Variants in PLAC8L1 observed in about 807,000 individuals in gnomAD.
PLAC8L1 encodes PLAC8-like protein 1.
PLAC8L1 carries 13 observed loss-of-function variants against 16.3 expected under a neutral mutation model. The observed-to-expected ratio is 0.80, with a 90% CI of 0.52 to 1.27. PLAC8L1 has a LOEUF of 1.27. Among genes scored for constraint, PLAC8L1 ranks in the 50% most tolerant of loss-of-function variants. PLAC8L1 has a pLI of 0.00. For synonymous variants in PLAC8L1, 78 were observed against 79.3 expected (o/e 0.98, Z 0.09); for missense variants, 184 against 220.2 (o/e 0.84, Z 1.04).
chr5:146,095,755 G>T (rs1384475453), intron 2 of PLAC8L1, among the ~76,000 whole-genome samples: 1 of 152,122 alleles, frequency 6.6e-6, no homozygotes, highest in Non-Finnish European at 1.5e-5. Flanking sequence ...CAAGAAGTAG[G>T]CACATGATAC....
At chr5:146,091,061 A>C (rs1763611921) in intron 2 of PLAC8L1, among the ~76,000 whole-genome samples, 1 of 152,118 alleles carries the variant, frequency 6.6e-6, no homozygotes, top group South Asian at 2.1e-4. Context: ...TCTCGAAAAA[A>C]AAAAATTGTT....
chr5:146,104,271 T>A lies in PLAC8L1; in HGVS notation c.41A>T (p.Asp14Val). 1 of 1,613,798 alleles carries A rather than the reference T, an allele frequency of 6.2e-7. No homozygotes were observed. The highest frequency in any genetic ancestry group is 1.1e-5 in the South Asian group (1 of 91,074). ...FGSNFFRCPE[D>V]LSLLNIYSPL... ...TGAGTATATGTTGAGTAAGGAAAGA[T>A]CCTCAGGACACCTGAAGAAGTTACT... Residue 14 changes from aspartate (D) to valine (V), a missense_variant, in exon 1 of 4, where the codon GAT (aspartate) becomes GTT (valine). Asp to Val is a radical substitution (Grantham distance 152). Transcript: ENST00000311450.
chr5:146,091,398 C>A (rs1386308878), intron 2 of PLAC8L1, among the ~76,000 whole-genome samples: 1 of 151,974 alleles, frequency 6.6e-6, no homozygotes, highest in African/African-American at 2.4e-5. Flanking sequence ...CAATTAAGAA[C>A]CAACAGAGTT....
At chr5:146,091,008 C>T (rs973051062) in intron 2 of PLAC8L1, among the ~76,000 whole-genome samples, 6 of 151,830 alleles carry the variant, frequency 4.0e-5, no homozygotes, top group South Asian at 2.1e-4. Context: ...GAGTAGAGAT[C>T]GCACCACTGC....
Position 146,084,576 on chromosome 5 carries a change from G to C in PLAC8L1, c.394-4C>G. On this transcript the variant is annotated splice_region_variant and splice_polypyrimidine_tract_variant and intron_variant, in intron 3 of 3. Coordinates refer to ENST00000311450, the MANE Select transcript of PLAC8L1 (RefSeq NM_001029869.3). ...GCCAGTCTTCACACAGTGTGCCCTAGGGCAAGACCAGAATCTGTTCTGTTG... is the reference window on the plus strand; with the variant it reads ...GCCAGTCTTCACACAGTGTGCCCTACGGCAAGACCAGAATCTGTTCTGTTG... 3 of 1,613,344 alleles carry C rather than the reference G, an allele frequency of 1.9e-6. No individual in the cohort carries two copies. The highest frequency in any genetic ancestry group is 8.5e-7 in the Non-Finnish European group (1 of 1,179,988).
chr5:146,098,404 G>A (rs986316784), intron 1 of PLAC8L1, 112 bp from the exon 2 acceptor site: 3 of 1,037,912 alleles, frequency 2.9e-6, no homozygotes, highest in Non-Finnish European at 4.0e-6. Flanking sequence ...ATGCCAAGGG[G>A]CTCATAGCCC....
chr5:146,084,737 G>T, intron 3 of PLAC8L1, 165 bp from the exon 4 acceptor site: 2 of 842,982 alleles, frequency 2.4e-6, no homozygotes, highest in Non-Finnish European at 3.5e-6. Flanking sequence ...GTGCCAAGCA[G>T]CTGAATTGCT....
At chr5:146,100,748 T>A (rs1333406195) in intron 1 of PLAC8L1, among the ~76,000 whole-genome samples, 2 of 152,196 alleles carry the variant, frequency 1.3e-5, no homozygotes, top group Non-Finnish European at 2.9e-5. Flanking sequence ...TTTGTTATGA[T>A]GTAAGTTAGG....
At chr5:146,100,728 T>G (rs1274389613) in intron 1 of PLAC8L1, among the ~76,000 whole-genome samples, 8 of 152,158 alleles carry the variant, frequency 5.3e-5, no homozygotes, top group Admixed American at 4.6e-4. Context: ...TATGGGTATA[T>G]TTTAATATGT....
intron 1 of PLAC8L1, among the ~76,000 whole-genome samples, chr5:146,101,196 C>CAAAAAAAAAAA (rs35143616): frequency 1.2e-5 from 1 of 82,178 alleles, no homozygotes; most frequent in African/African-American, 5.4e-5. Context: ...GACCCTGTCT[C>CAAAAAAAAAAA]AAAAAAAAAA....
rs987740015 is a variant in PLAC8L1 at position 146,098,180 on chromosome 5, T to C, written c.232A>G (p.Ser78Gly). The change falls in exon 2 of 4, where the codon AGT becomes GGT. Residue 78 changes from serine (S) to glycine (G), a missense_variant. Ser to Gly is a moderately conservative substitution (Grantham distance 56). Coordinates refer to ENST00000311450, the MANE Select transcript of PLAC8L1 (RefSeq NM_001029869.3). ...TGGGWSTGLF[S>G]VCRDRRICFC... ...CAAATTCTCCTATCTCTGCAGACAC[T>C]GAAGAGACCGGTGCTCCAGCCCCCG... is the stretch of plus-strand genomic sequence containing the variant. 6.2e-7 allele frequency: 1 copy of C among 1,613,858 alleles called. No homozygotes were observed. The highest frequency in any genetic ancestry group is 1.7e-4 in the Middle Eastern group (1 of 6,052).
chr5:146,090,092 G>A (rs115996521), intron 2 of PLAC8L1, among the ~76,000 whole-genome samples: 2,036 of 152,206 alleles, frequency 0.013, 47 homozygotes, highest in African/African-American at 0.047. Context: ...GTACTGTGAG[G>A]AATGCAGTGG....
intron 2 of PLAC8L1, among the ~76,000 whole-genome samples, chr5:146,090,448 T>C (rs1201988845): frequency 5.3e-5 from 8 of 151,706 alleles, no homozygotes; most frequent in African/African-American, 1.9e-4. Flanking sequence ...GGTGGAAGAA[T>C]CCCTTGAGCT....
chr5:146,102,325 C>G (rs1380867340), intron 1 of PLAC8L1, among the ~76,000 whole-genome samples: 5 of 151,974 alleles, frequency 3.3e-5, no homozygotes, highest in Admixed American at 3.3e-4. Flanking sequence ...TCCTTAATAC[C>G]CTGAGTCTTC....
chr5:146,085,682 C>T, intron 2 of PLAC8L1, 85 bp from the exon 3 acceptor site: 1 of 1,452,068 alleles, frequency 6.9e-7, no homozygotes, highest in African/African-American at 1.4e-5. Context: ...CAACATTATG[C>T]CACCAGTTTA....
At chr5:146,096,892 G>A (rs1263167310) in intron 2 of PLAC8L1, among the ~76,000 whole-genome samples, 1 of 152,168 alleles carries the variant, frequency 6.6e-6, no homozygotes. Flanking sequence ...GGGTAGCCGC[G>A]ACAGGAAGAG....
intron 2 of PLAC8L1, 31 bp downstream of exon 2, chr5:146,098,125 G>C: frequency 1.3e-6 from 2 of 1,592,724 alleles, no homozygotes; most frequent in South Asian, 1.1e-5. Flanking sequence ...AAAATAGTAA[G>C]GAGGAACTTA....
At chr5:146,103,627 C>T (rs1249521564) in intron 1 of PLAC8L1, 1 of 978,860 alleles carries the variant, frequency 1.0e-6, no homozygotes, top group African/African-American at 1.7e-5. Flanking sequence ...GTGAGGGAGG[C>T]TTTAACTCAG....
intron 1 of PLAC8L1, among the ~76,000 whole-genome samples, chr5:146,100,857 T>C (rs73313990): frequency 0.015 from 2,324 of 152,184 alleles, 59 homozygotes; most frequent in African/African-American, 0.052. Context: ...ACTTAGGAAG[T>C]AATGAAAGTT....
Sources: gnomAD v4.1 joint callset for allele counts (sites outside exome capture counted in the v4.1 genomes callset) on GRCh38, gnomAD v4.1.1 for gene constraint, MANE v1.5 for transcripts, NCBI Gene and HGNC (gene_info 2026-07-23, HGNC 2026-07-21) for gene names.